Variants in TBC1D12 observed in about 807,000 individuals in gnomAD.
The protein encoded by TBC1D12 is TBC1 domain family member 12.
In TBC1D12, 56 loss-of-function variants were observed where a neutral mutation model predicts 86.7. The ratio of observed to expected loss-of-function variants is 0.65; its 90% CI spans 0.52 to 0.81. The LOEUF is 0.81. Ranked by LOEUF, TBC1D12 falls within the 30% of genes least tolerant of loss-of-function variation. The pLI, the probability that TBC1D12 is intolerant of heterozygous loss-of-function variation, is 0.00. For synonymous variants in TBC1D12, 421 were observed against 411.7 expected, an observed-to-expected ratio of 1.02 and a Z score of -0.27; for missense variants, 1,023 against 1,038.8, an observed-to-expected ratio of 0.98 and a Z score of 0.21.
At chr10:94,495,069 G>A (rs1024523951) in intron 4 of TBC1D12, among the ~76,000 whole-genome samples, 4 of 151,364 alleles carry the variant, frequency 2.6e-5, no homozygotes, top group Admixed American at 1.3e-4. Context: ...TGTCACCCAG[G>A]CTGGAGTGCA....
At chr10:94,527,591 G>A (rs1477565382) in intron 11 of TBC1D12, among the ~76,000 whole-genome samples, 7 of 151,612 alleles carry the variant, frequency 4.6e-5, no homozygotes, top group Admixed American at 4.6e-4. Context: ...TTTATTTTTG[G>A]TTTTGGTGCC....
chr10:94,531,262 A>C lies in TBC1D12; in HGVS notation c.2061A>C (p.Val687=). 1 of 1,614,064 alleles carries C rather than the reference A, an allele frequency of 6.2e-7. No homozygotes were observed. The highest frequency in any genetic ancestry group is 8.5e-7 in the Non-Finnish European group (1 of 1,179,976). ...PLDLACRVWD[V]FCRDGEEFLF... ...ATCTGGCCTGTCGAGTCTGGGATGT[A>C]TTTTGCAGAGATGGGGAAGAATTTT... is the stretch of plus-strand genomic sequence containing the variant. The change falls in exon 12 of 13, where the codon GTA becomes GTC. Residue 687 remains valine (V), a synonymous_variant. Coordinates refer to ENST00000225235, the MANE Select transcript of TBC1D12 (RefSeq NM_015188.2).
chr10:94,521,824 G>A (rs1296563095), intron 9 of TBC1D12, 131 bp from the exon 10 acceptor site: 3 of 792,274 alleles, frequency 3.8e-6, no homozygotes, highest in Non-Finnish European at 5.3e-6. Context: ...TACCTTTGCT[G>A]GGAAGGAAAA....
At chr10:94,458,793 CGT>C (rs2055671241) in intron 2 of TBC1D12, among the ~76,000 whole-genome samples, 1 of 152,032 alleles carries the variant, frequency 6.6e-6, no homozygotes, top group Non-Finnish European at 1.5e-5. Flanking sequence ...TGGAGTTGTT[CGT>C]ACCTTCCATC....
At chr10:94,496,569 A>G (rs554015586) in intron 4 of TBC1D12, among the ~76,000 whole-genome samples, 4 of 152,348 alleles carry the variant, frequency 2.6e-5, no homozygotes, top group South Asian at 4.1e-4. Flanking sequence ...TGTTTTTTAT[A>G]TAGTTAATTC....
At chr10:94,524,700 C>T (rs1159619881) in intron 11 of TBC1D12, among the ~76,000 whole-genome samples, 2 of 142,280 alleles carry the variant, frequency 1.4e-5, no homozygotes, top group African/African-American at 5.2e-5. Flanking sequence ...GATCGCGCCA[C>T]AGCACTCTAG....
chr10:94,441,090 C>T (rs928087109), intron 1 of TBC1D12, among the ~76,000 whole-genome samples: 4 of 151,590 alleles, frequency 2.6e-5, no homozygotes, highest in East Asian at 1.9e-4. Flanking sequence ...CCTCGTGATC[C>T]GCCCGCCTCA....
At chr10:94,491,516 C>G (rs928111988) in intron 3 of TBC1D12, among the ~76,000 whole-genome samples, 1 of 152,172 alleles carries the variant, frequency 6.6e-6, no homozygotes, top group South Asian at 2.1e-4. Flanking sequence ...GTAGTAGTTA[C>G]CCCTTATTGG....
chr10:94,460,471 A>G (rs753690662), intron 2 of TBC1D12, among the ~76,000 whole-genome samples: 2 of 151,906 alleles, frequency 1.3e-5, no homozygotes, highest in African/African-American at 2.4e-5. Context: ...GGATAAGTTC[A>G]TATCTTTGCT....
intron 1 of TBC1D12, among the ~76,000 whole-genome samples, chr10:94,426,202 G>A (rs1179090719): frequency 6.6e-6 from 1 of 152,152 alleles, no homozygotes; most frequent in African/African-American, 2.4e-5. Context: ...TTTTGAAAGG[G>A]AATGGCAAAA....
chr10:94,466,308 T>G (rs1257970457), intron 2 of TBC1D12, among the ~76,000 whole-genome samples: 1 of 152,072 alleles, frequency 6.6e-6, no homozygotes, highest in Non-Finnish European at 1.5e-5. Context: ...TATTTGTCCA[T>G]ATTTATTATT....
chr10:94,478,360 A>G (rs1184353419), intron 3 of TBC1D12, among the ~76,000 whole-genome samples: 1 of 152,168 alleles, frequency 6.6e-6, no homozygotes, highest in Non-Finnish European at 1.5e-5. Flanking sequence ...GATCAGGCCT[A>G]TTTGGTGGAA....
intron 7 of TBC1D12, among the ~76,000 whole-genome samples, chr10:94,508,032 A>T (rs866406168): frequency 6.6e-6 from 1 of 152,292 alleles, no homozygotes; most frequent in Middle Eastern, 3.4e-3. Context: ...AATTAATTGA[A>T]TGTAATGAAG....
At chr10:94,404,075 G>A (rs1237158769) in intron 1 of TBC1D12, among the ~76,000 whole-genome samples, 2 of 152,184 alleles carry the variant, frequency 1.3e-5, no homozygotes, top group African/African-American at 4.8e-5. Flanking sequence ...TTTATTTGCT[G>A]TGCTTGCATA....
intron 3 of TBC1D12, among the ~76,000 whole-genome samples, chr10:94,479,350 T>C (rs1203736964): frequency 1.3e-5 from 2 of 152,188 alleles, no homozygotes; most frequent in African/African-American, 4.8e-5. Flanking sequence ...ATAAAGTTTT[T>C]TTTAAGTATT....
chr10:94,536,027 A>G lies in TBC1D12; in HGVS notation c.*2931A>G, dbSNP rs561547943. On this transcript the variant is annotated 3_prime_UTR_variant, in exon 13 of 13. Coordinates refer to ENST00000225235, the MANE Select transcript of TBC1D12 (RefSeq NM_015188.2). Reference sequence around the variant, plus strand: ...AATAATCTTTGTTTTTGTTTGCCAAATTTGTCTTCCAAGGAATGCACTAAG... The same window carrying G: ...AATAATCTTTGTTTTTGTTTGCCAAGTTTGTCTTCCAAGGAATGCACTAAG... The G allele has an allele frequency of 5.3e-5, 8 of 152,224 alleles. No individual in the cohort carries two copies. In the East Asian group the frequency reaches 1.4e-3, roughly 26 times the overall value. The allele number at this position is 152,224 out of a possible 1,614,324, so 9.4% of individuals were successfully genotyped here.
chr10:94,469,651 T>G (rs1432756919), intron 2 of TBC1D12, among the ~76,000 whole-genome samples: 1 of 152,084 alleles, frequency 6.6e-6, no homozygotes, highest in Non-Finnish European at 1.5e-5. Context: ...AGTTTCAGCA[T>G]GCTGGCCAGG....
In TBC1D12 at chr10:94,457,280, CT is replaced by C. The variant is rs1244455418; in HGVS notation, c.1095+15262del. Among the ~76,000 whole-genome samples, 4 of 152,248 alleles carry C rather than the reference CT, an allele frequency of 2.6e-5. No homozygotes were observed. The East Asian group carries it at 7.7e-4, about 29-fold the overall frequency. ...TGTCTCCCCACCCCCTGACAGGCCC[CT>C]GTGTGTGTTGTTCTTCTCCCTGTAT... On this transcript the variant is annotated intron_variant, in intron 2 of 12. Transcript: ENST00000225235.
chr10:94,414,418 G>GT (rs2054971444), intron 1 of TBC1D12, among the ~76,000 whole-genome samples: 1 of 152,174 alleles, frequency 6.6e-6, no homozygotes, highest in Non-Finnish European at 1.5e-5. Context: ...TCTTAGGCCT[G>GT]TTGGTTTCAG....
Sources: allele counts gnomAD v4.1 joint callset (sites outside exome capture counted in the v4.1 genomes callset), GRCh38; gene constraint gnomAD v4.1.1; transcripts MANE v1.5; gene names NCBI Gene and HGNC (gene_info 2026-07-23, HGNC 2026-07-21).